The following TAF3 variants were observed in gnomAD, a reference collection of about 807,000 sequenced individuals.
TAF3 encodes the protein TATA-box binding protein associated factor 3.
TAF3 carries 7 observed loss-of-function variants against 80.6 expected under a neutral mutation model. The ratio of observed to expected loss-of-function variants is 0.09; its 90% CI spans 0.05 to 0.16. TAF3 has a LOEUF of 0.16. TAF3 is among the 10% of genes least tolerant of loss of function. The pLI is 1.00. For missense variants in TAF3, 921 were observed against 1,140.2 expected, an observed-to-expected ratio of 0.81 and a Z score of 2.77; for synonymous variants, 444 against 446.1, an observed-to-expected ratio of 1.00 and a Z score of 0.06.
chr10:7,855,930 A>G (rs1353757968), intron 2 of TAF3, among the ~76,000 whole-genome samples: 1 of 151,916 alleles, frequency 6.6e-6, no homozygotes, highest in Non-Finnish European at 1.5e-5. Context: ...CAAAAAGGAA[A>G]AAAAAAAAGA....
At chr10:7,881,135 C>G (rs1232056562) in intron 2 of TAF3, among the ~76,000 whole-genome samples, 3 of 151,512 alleles carry the variant, frequency 2.0e-5, no homozygotes, top group African/African-American at 7.3e-5. Flanking sequence ...ACTTGGGAGG[C>G]TGAGGCAGGA....
At chr10:8,014,431 G>A (rs983260758) in intron 6 of TAF3, among the ~76,000 whole-genome samples, 1 of 152,218 alleles carries the variant, frequency 6.6e-6, no homozygotes, top group African/African-American at 2.4e-5. Flanking sequence ...ATGAACGGAT[G>A]AGTCTCTGCA....
At chr10:7,929,402 T>A (rs1022743727) in intron 2 of TAF3, among the ~76,000 whole-genome samples, 13 of 152,118 alleles carry the variant, frequency 8.5e-5, no homozygotes, top group Non-Finnish European at 1.5e-5. Flanking sequence ...TGGATGTTTT[T>A]GTTTTTGTTT....
chr10:7,982,560 G>A (rs902287513), intron 4 of TAF3, among the ~76,000 whole-genome samples: 3 of 151,950 alleles, frequency 2.0e-5, no homozygotes, highest in African/African-American at 4.8e-5. Flanking sequence ...CACCATGCCC[G>A]GCTAATTTTT....
chr10:7,834,564 A>G (rs546787271), intron 2 of TAF3, among the ~76,000 whole-genome samples: 1 of 152,262 alleles, frequency 6.6e-6, no homozygotes, highest in Admixed American at 6.5e-5. Flanking sequence ...ATGTGTGTGA[A>G]TAGATAGATA....
chr10:7,986,654 C>T (rs1020912624), intron 4 of TAF3, among the ~76,000 whole-genome samples: 35 of 152,276 alleles, frequency 2.3e-4, no homozygotes, highest in Admixed American at 1.2e-3. Flanking sequence ...TTGTAACTTC[C>T]GCTCAGCATC....
At chr10:7,890,804 C>G (rs1269468329) in intron 2 of TAF3, among the ~76,000 whole-genome samples, 1 of 152,064 alleles carries the variant, frequency 6.6e-6, no homozygotes, top group Non-Finnish European at 1.5e-5. Context: ...ACATTTTTTT[C>G]CCAAGTGATT....
chr10:7,840,940 C>T (rs1005350147), intron 2 of TAF3, among the ~76,000 whole-genome samples: 3 of 151,958 alleles, frequency 2.0e-5, no homozygotes, highest in African/African-American at 7.3e-5. Flanking sequence ...ACCTCCACCT[C>T]CCAGGTTCAA....
At chr10:7,931,726 A>G (rs950022013) in intron 2 of TAF3, among the ~76,000 whole-genome samples, 34 of 152,222 alleles carry the variant, frequency 2.2e-4, no homozygotes, top group African/African-American at 8.0e-4. Flanking sequence ...TGGGTAGTCA[A>G]TCAGGCAACA....
At chr10:7,953,177 C>T (rs1417134059) in intron 2 of TAF3, among the ~76,000 whole-genome samples, 1 of 152,164 alleles carries the variant, frequency 6.6e-6, no homozygotes, top group Non-Finnish European at 1.5e-5. Context: ...TGTTTCACTT[C>T]GGTTCCATTT....
intron 2 of TAF3, among the ~76,000 whole-genome samples, chr10:7,828,886 T>C (rs920939115): frequency 1.0e-5 from 1 of 96,798 alleles, no homozygotes; most frequent in African/African-American, 4.0e-5. Flanking sequence ...ATACAAAAAT[T>C]AGCTGGGTGT....
At chr10:7,878,398 C>T (rs919052468) in intron 2 of TAF3, among the ~76,000 whole-genome samples, 1 of 152,144 alleles carries the variant, frequency 6.6e-6, no homozygotes, top group Admixed American at 6.5e-5. Context: ...CAGAGCACTT[C>T]TGCTCTTAGA....
chr10:7,966,398 A>G (rs1339290258), intron 3 of TAF3, among the ~76,000 whole-genome samples: 1 of 152,168 alleles, frequency 6.6e-6, no homozygotes, highest in Non-Finnish European at 1.5e-5. Context: ...CCATCTCAGT[A>G]AGTCAGACTT....
intron 4 of TAF3, among the ~76,000 whole-genome samples, chr10:7,993,668 A>T (rs1355518615): frequency 6.6e-6 from 1 of 152,082 alleles, no homozygotes; most frequent in African/African-American, 2.4e-5. Context: ...CTTAAAGGGT[A>T]TTTTGCTGCT....
intron 2 of TAF3, among the ~76,000 whole-genome samples, chr10:7,863,898 C>T (rs1837182648): frequency 6.6e-6 from 1 of 151,548 alleles, no homozygotes; most frequent in African/African-American, 2.4e-5. Flanking sequence ...TTTTACATGG[C>T]ATACATAGTT....
intron 2 of TAF3, among the ~76,000 whole-genome samples, chr10:7,902,287 G>A (rs1259998736): frequency 6.6e-6 from 1 of 151,918 alleles, no homozygotes; most frequent in Non-Finnish European, 1.5e-5. Context: ...GCCAGGCCTG[G>A]TGGCACATGT....
chr10:7,886,364 TTTTC>T lies in TAF3; in HGVS notation c.409+61814_409+61817del, dbSNP rs766594548. On this transcript the variant is annotated intron_variant, in intron 2 of 6. Transcript: ENST00000344293. ...CAAACCCCCTTCTGCATGTTCTTCA[TTTTC>T]TTTCTTTCTCTCACCTCTGTCCTTT... Among the ~76,000 whole-genome samples, 24 of 152,364 alleles carry T rather than the reference TTTTC, an allele frequency of 1.6e-4. 1 individual carries two copies. The East Asian group carries it at 3.1e-3, about 20-fold the overall frequency.
chr10:7,998,451 A>G (rs1831911705), intron 4 of TAF3, among the ~76,000 whole-genome samples: 1 of 152,064 alleles, frequency 6.6e-6, no homozygotes, highest in South Asian at 2.1e-4. Flanking sequence ...TAACCCATAA[A>G]ATTGGTCAAC....
chr10:7,917,185 T>C (rs1192094558), intron 2 of TAF3, among the ~76,000 whole-genome samples: 2 of 152,160 alleles, frequency 1.3e-5, no homozygotes, highest in Non-Finnish European at 2.9e-5. Flanking sequence ...AGTAAACATT[T>C]GATAAAATTT....
Sources: allele counts gnomAD v4.1 joint callset (sites outside exome capture counted in the v4.1 genomes callset), GRCh38; gene constraint gnomAD v4.1.1; transcripts MANE v1.5; gene names NCBI Gene and HGNC (gene_info 2026-07-23, HGNC 2026-07-21).